Variants in MYO9A observed in about 807,000 individuals in gnomAD.
The protein encoded by MYO9A is myosin IXA.
A neutral mutation model predicts 293.3 loss-of-function variants in MYO9A; 103 were observed. The ratio of observed to expected loss-of-function variants is 0.35; its 90% CI spans 0.30 to 0.41. The LOEUF (loss-of-function observed/expected upper bound fraction) is 0.41, where lower values mean the gene tolerates loss of function less well. Among genes scored for constraint, MYO9A ranks in the 10% least tolerant of loss-of-function variants. The pLI, the probability that MYO9A is intolerant of heterozygous loss-of-function variation, is 1.00. For missense variants in MYO9A, 2,685 were observed against 3,033.0 expected (o/e 0.89, Z 2.69); for synonymous variants, 1,001 against 1,035.7 (o/e 0.97, Z 0.64).
chr15:72,019,232 A>G, intron 5 of MYO9A, 137 bp from the exon 6 acceptor site: 1 of 691,314 alleles, frequency 1.4e-6, no homozygotes, highest in South Asian at 1.7e-5. Context: ...AACAAGAAAT[A>G]ATGAAGCAAA....
intron 6 of MYO9A, among the ~76,000 whole-genome samples, chr15:72,014,229 G>C (rs2077256754): frequency 6.6e-6 from 1 of 152,202 alleles, no homozygotes; most frequent in Non-Finnish European, 1.5e-5. Flanking sequence ...CTTGTTAATA[G>C]TGTAGCTGGG....
chr15:72,058,312 C>T lies in MYO9A; in HGVS notation c.-71-11678G>A, dbSNP rs1049261940. Among the ~76,000 whole-genome samples, 21 of 152,176 alleles carry T rather than the reference C, an allele frequency of 1.4e-4. 1 individual carries two copies. The highest frequency in any genetic ancestry group is 3.9e-4 in the Admixed American group (6 of 15,296). On this transcript the variant is annotated intron_variant, in intron 1 of 41. Transcript: ENST00000356056. Reference sequence around the variant, plus strand: ...TTTTAAAATGGGTTAAAACACTGGGCTTTTGGGAAATCTTCACATTTTCCA... The same window carrying T: ...TTTTAAAATGGGTTAAAACACTGGGTTTTTGGGAAATCTTCACATTTTCCA...
At chr15:72,038,625 T>G (rs976954142) in intron 2 of MYO9A, among the ~76,000 whole-genome samples, 1 of 152,034 alleles carries the variant, frequency 6.6e-6, no homozygotes, top group Non-Finnish European at 1.5e-5. Context: ...AGCACCTTCA[T>G]GACAACCAAA....
intron 19 of MYO9A, among the ~76,000 whole-genome samples, chr15:71,908,010 G>A (rs551155040): frequency 5.9e-5 from 9 of 152,278 alleles, no homozygotes; most frequent in African/African-American, 2.2e-4. Flanking sequence ...TAGACATGAA[G>A]TACTTGCCCA....
At chr15:72,016,594 A>C (rs969928968) in intron 6 of MYO9A, among the ~76,000 whole-genome samples, 1 of 152,212 alleles carries the variant, frequency 6.6e-6, no homozygotes, top group Non-Finnish European at 1.5e-5. Context: ...CAGGGAAACA[A>C]AGTTTAGTTT....
rs1475892834 is a variant in MYO9A at position 71,822,652 on chromosome 15, A to C, written c.*3928T>G. 6.6e-6 allele frequency: 1 copy of C among 152,176 alleles called. No homozygotes were observed. Among genetic ancestry groups the C allele is most frequent in the Admixed American group, 6.5e-5 (1 of 15,274 alleles). 9.4% of individuals were successfully genotyped at this position (152,176 alleles called of 1,614,324 possible). Reference sequence around the variant, plus strand: ...TACTTAAAATCCATTAAAATAATATAATACGAATCTGTAGTCCACACCTTT... The same window carrying C: ...TACTTAAAATCCATTAAAATAATATCATACGAATCTGTAGTCCACACCTTT... On this transcript the variant is annotated 3_prime_UTR_variant, in exon 42 of 42. Coordinates refer to ENST00000356056, the MANE Select transcript of MYO9A (RefSeq NM_006901.4).
intron 24 of MYO9A, 46 bp downstream of exon 24, chr15:71,899,641 A>C (rs1714918717): frequency 2.0e-6 from 3 of 1,501,736 alleles, no homozygotes; most frequent in Non-Finnish European, 2.7e-6. Context: ...TAAACAAAGT[A>C]CTTGGGAAGA....
At chr15:71,970,047 T>C (rs1361805449) in intron 12 of MYO9A, among the ~76,000 whole-genome samples, 1 of 152,184 alleles carries the variant, frequency 6.6e-6, no homozygotes. Flanking sequence ...GCAGGCAAGA[T>C]TCACAAAATG....
chr15:71,962,374 C>A (rs2075768121), intron 13 of MYO9A, among the ~76,000 whole-genome samples: 1 of 152,172 alleles, frequency 6.6e-6, no homozygotes, highest in Non-Finnish European at 1.5e-5. Flanking sequence ...TATCCTATTA[C>A]TTTTAGGGTT....
At chr15:71,927,132 C>T (rs1485047201) in intron 18 of MYO9A, among the ~76,000 whole-genome samples, 1 of 152,176 alleles carries the variant, frequency 6.6e-6, no homozygotes, top group Non-Finnish European at 1.5e-5. Flanking sequence ...GTGGGGCTGC[C>T]AGGTAGGCTG....
chr15:71,889,912 G>A (rs1430951026), intron 26 of MYO9A: 2 of 152,098 alleles, frequency 1.3e-5, no homozygotes, highest in Non-Finnish European at 2.9e-5. Context: ...TAAATACTAA[G>A]TGTATAGTCA....
intron 15 of MYO9A, among the ~76,000 whole-genome samples, chr15:71,943,921 C>T (rs984532707): frequency 6.6e-6 from 1 of 152,066 alleles, no homozygotes; most frequent in African/African-American, 2.4e-5. Flanking sequence ...GAAAAATACG[C>T]TTATCTTTAT....
intron 15 of MYO9A, among the ~76,000 whole-genome samples, chr15:71,950,581 T>A (rs1003430479): frequency 1.3e-5 from 2 of 152,226 alleles, no homozygotes; most frequent in Non-Finnish European, 1.5e-5. Context: ...ACAGCAACAA[T>A]TAAGAATAAT....
At chr15:72,021,089 A>G (rs2077489703) in intron 4 of MYO9A, 72 bp from the exon 5 acceptor site, 2 of 893,582 alleles carry the variant, frequency 2.2e-6, no homozygotes, top group East Asian at 5.8e-5. Flanking sequence ...GGGAGGGGGG[A>G]AGCAAACAGT....
At chr15:71,930,465 A>G (rs1048515926) in intron 18 of MYO9A, among the ~76,000 whole-genome samples, 2 of 152,036 alleles carry the variant, frequency 1.3e-5, no homozygotes, top group African/African-American at 4.8e-5. Context: ...GACCTTCTTT[A>G]TCTCATCTAC....
At chr15:71,963,771 C>CA (rs1215463350) in intron 13 of MYO9A, among the ~76,000 whole-genome samples, 5 of 152,122 alleles carry the variant, frequency 3.3e-5, no homozygotes, top group African/African-American at 9.7e-5. Flanking sequence ...CGCCCAAATG[C>CA]AAATTTCCAG....
At chr15:71,997,345 T>C (rs907782466) in intron 9 of MYO9A, among the ~76,000 whole-genome samples, 4 of 152,154 alleles carry the variant, frequency 2.6e-5, no homozygotes, top group Non-Finnish European at 5.9e-5. Flanking sequence ...CTCACGCCTG[T>C]AATCCCAAAA....
At chr15:71,934,251 C>T (rs1383387565) in intron 17 of MYO9A, among the ~76,000 whole-genome samples, 1 of 151,352 alleles carries the variant, frequency 6.6e-6, no homozygotes, top group Non-Finnish European at 1.5e-5. Context: ...GAATAAAGTC[C>T]AACGCTTATG....
rs1222639240 is a variant in MYO9A at position 71,824,084 on chromosome 15, G to A, written c.*2496C>T. ...AACAACGGCTTTCCCTCAAAGGGAG[G>A]GCCCCACACTGCTCTCCACTCTTAT... On this transcript the variant is annotated 3_prime_UTR_variant, in exon 42 of 42. Transcript: ENST00000356056. 1 of 152,158 alleles carries A rather than the reference G, an allele frequency of 6.6e-6. No individual in the cohort carries two copies. Among genetic ancestry groups the A allele is most frequent in the Non-Finnish European group, 1.5e-5 (1 of 68,046 alleles). 9.4% of individuals were successfully genotyped at this position (152,158 alleles called of 1,614,324 possible). A position where few individuals can be genotyped will look rare whatever the true frequency, so the allele number is the denominator to read the frequency against.
Sources: gnomAD v4.1 joint callset for allele counts (sites outside exome capture counted in the v4.1 genomes callset) on GRCh38, gnomAD v4.1.1 for gene constraint, MANE v1.5 for transcripts, NCBI Gene and HGNC (gene_info 2026-07-23, HGNC 2026-07-21) for gene names.